NDST3: variants seen among roughly 807,000 people sequenced by gnomAD.
The protein encoded by NDST3 is N-deacetylase and N-sulfotransferase 3.
NDST3 carries 58 observed loss-of-function variants against 96.1 expected under a neutral mutation model. The observed-to-expected ratio is 0.60, with a 90% CI of 0.49 to 0.75. The LOEUF (loss-of-function observed/expected upper bound fraction) is 0.75, where lower values mean the gene tolerates loss of function less well. NDST3 is among the 30% of genes least tolerant of loss of function. The pLI, the probability that NDST3 is intolerant of heterozygous loss-of-function variation, is 0.00. For missense variants in NDST3, 788 were observed against 1,034.2 expected, an observed-to-expected ratio of 0.76 and a Z score of 3.27; for synonymous variants, 333 against 359.7, an observed-to-expected ratio of 0.93 and a Z score of 0.84.
intron 6 of NDST3, among the ~76,000 whole-genome samples, chr4:118,189,810 A>C (rs1737187079): frequency 6.6e-6 from 1 of 152,168 alleles, no homozygotes; most frequent in South Asian, 2.1e-4. Flanking sequence ...CAAAAGAGAA[A>C]ACCAAATTTT....
chr4:118,185,188 T>A (rs947161066), intron 6 of NDST3, among the ~76,000 whole-genome samples: 1 of 152,242 alleles, frequency 6.6e-6, no homozygotes, highest in South Asian at 2.1e-4. Flanking sequence ...ATATTGAATT[T>A]CAAAGAAATA....
At position 118,256,582 on chromosome 4, in the gene NDST3, C is replaced by G. The variant is rs188787443; in HGVS notation, c.*870C>G. On this transcript the variant is annotated 3_prime_UTR_variant, in exon 14 of 14. Coordinates refer to ENST00000296499, the MANE Select transcript of NDST3 (RefSeq NM_004784.3). ...CACTTGCTGTAAGCTGTGAATCTATCCCAGTAGTCCTCACTAGTTCTACAG... is the reference window on the plus strand; with the variant it reads ...CACTTGCTGTAAGCTGTGAATCTATGCCAGTAGTCCTCACTAGTTCTACAG... 26 of 152,290 alleles carry G rather than the reference C, an allele frequency of 1.7e-4. No individual in the cohort carries two copies. The East Asian group carries it at 5.0e-3, about 29-fold the overall frequency. 9.4% of individuals were successfully genotyped at this position (152,290 alleles called of 1,614,324 possible).
At chr4:118,122,383 CAGA>C (rs1266535881) in intron 4 of NDST3, among the ~76,000 whole-genome samples, 1 of 152,174 alleles carries the variant, frequency 6.6e-6, no homozygotes, top group East Asian at 1.9e-4. Flanking sequence ...GAAGTGATGG[CAGA>C]AGAAGTAAGA....
At chr4:118,122,020 T>C (rs959111731) in intron 4 of NDST3, among the ~76,000 whole-genome samples, 11 of 152,198 alleles carry the variant, frequency 7.2e-5, no homozygotes, top group African/African-American at 2.7e-4. Flanking sequence ...TCAATTCCTT[T>C]CCCTTTTTCC....
intron 3 of NDST3, among the ~76,000 whole-genome samples, chr4:118,113,144 G>A (rs887632060): frequency 6.6e-6 from 1 of 152,088 alleles, no homozygotes; most frequent in Non-Finnish European, 1.5e-5. Context: ...AATAGGTACT[G>A]CTGTCCATCT....
intron 2 of NDST3, among the ~76,000 whole-genome samples, chr4:118,096,591 T>C (rs972521117): frequency 6.6e-6 from 1 of 151,846 alleles, no homozygotes; most frequent in Non-Finnish European, 1.5e-5. Context: ...GATAGACGGA[T>C]AGACAGATAA....
At chr4:118,211,564 C>T (rs1387181840) in intron 6 of NDST3, among the ~76,000 whole-genome samples, 1 of 152,094 alleles carries the variant, frequency 6.6e-6, no homozygotes, top group East Asian at 1.9e-4. Flanking sequence ...TGGGAGCCTA[C>T]TATTGTTAAA....
intron 2 of NDST3, among the ~76,000 whole-genome samples, chr4:118,079,292 C>T (rs1727823414): frequency 1.3e-5 from 2 of 152,092 alleles, no homozygotes; most frequent in South Asian, 2.1e-4. Flanking sequence ...GAAAATGAAA[C>T]AGGGTCAGTG....
chr4:118,228,096 T>A lies in NDST3; in HGVS notation c.1819+1114T>A, dbSNP rs572942852. 9.8e-5 allele frequency among the ~76,000 whole-genome samples: 15 copies of A among 152,302 alleles called. 1 individual carries two copies. In the South Asian group the frequency reaches 3.1e-3, roughly 32 times the overall value. ...AGAATACATTCCCTCTCCTCATTGATCCAGAAATAACTGAGGAAAATTCTG... is the reference window on the plus strand; with the variant it reads ...AGAATACATTCCCTCTCCTCATTGAACCAGAAATAACTGAGGAAAATTCTG... On this transcript the variant is annotated intron_variant, in intron 8 of 13. Coordinates refer to ENST00000296499, the MANE Select transcript of NDST3 (RefSeq NM_004784.3).
intron 6 of NDST3, among the ~76,000 whole-genome samples, chr4:118,181,171 G>A (rs1250700488): frequency 6.6e-6 from 1 of 152,114 alleles, no homozygotes; most frequent in African/African-American, 2.4e-5. Context: ...GTTCCTCAAA[G>A]GGTATCAGAG....
chr4:118,050,253 T>C (rs947188051), intron 1 of NDST3, among the ~76,000 whole-genome samples: 1 of 152,092 alleles, frequency 6.6e-6, no homozygotes, highest in Non-Finnish European at 1.5e-5. Context: ...GAGACATCTA[T>C]GACAAACTCA....
At chr4:118,186,368 G>C (rs1393343774) in intron 6 of NDST3, among the ~76,000 whole-genome samples, 1 of 152,190 alleles carries the variant, frequency 6.6e-6, no homozygotes, top group African/African-American at 2.4e-5. Context: ...AAAAAGGGAA[G>C]TTTATTAAGC....
upstream of NDST3, among the ~76,000 whole-genome samples, chr4:118,033,371 A>T (rs968735847): frequency 1.3e-5 from 2 of 152,056 alleles, no homozygotes; most frequent in Non-Finnish European, 2.9e-5. Context: ...CTGGCCGCAC[A>T]AGACGTTTCA....
At chr4:118,254,160 G>A (rs1352143142) in intron 13 of NDST3, among the ~76,000 whole-genome samples, 9 of 151,300 alleles carry the variant, frequency 5.9e-5, no homozygotes, top group Non-Finnish European at 8.8e-5. Flanking sequence ...CAGGAGGATC[G>A]CTTGAACCTG....
rs571330518 is a variant in NDST3 at position 118,232,639 on chromosome 4, AAAAG to A, written c.1820-363_1820-360del. On this transcript the variant is annotated intron_variant, in intron 8 of 13. Transcript: ENST00000296499. ...GGCAATATAGTAAGATGCTGAAAAA[AAAAG>A]AAAGAAAGAGAGAGAAAGAAGGAAA... 7.6e-3 allele frequency among the ~76,000 whole-genome samples: 1,161 copies of A among 151,924 alleles called. 5 individuals carry two copies. Among genetic ancestry groups the A allele is most frequent in the Non-Finnish European group, 0.013 (876 of 67,974 alleles).
intron 6 of NDST3, among the ~76,000 whole-genome samples, chr4:118,166,172 C>T (rs1034507520): frequency 6.7e-6 from 1 of 150,226 alleles, no homozygotes; most frequent in Non-Finnish European, 1.5e-5. Flanking sequence ...TAGTTACTAA[C>T]AAAAAAGGAA....
intron 11 of NDST3, among the ~76,000 whole-genome samples, chr4:118,241,223 C>G (rs1407604992): frequency 6.6e-6 from 1 of 152,092 alleles, no homozygotes. Flanking sequence ...AGTATGACAG[C>G]CACTACCACA....
At chr4:118,161,180 C>A (rs939458247) in intron 6 of NDST3, among the ~76,000 whole-genome samples, 4 of 152,208 alleles carry the variant, frequency 2.6e-5, no homozygotes, top group Admixed American at 2.6e-4. Context: ...AGCTGCAGAA[C>A]AGCAGATTTT....
Position 118,131,273 on chromosome 4 carries a change from GGTT to G in NDST3, c.1225-6780_1225-6778del, listed in dbSNP as rs1341539597. Among the ~76,000 whole-genome samples the G allele has an allele frequency of 8.0e-4, 121 of 151,704 alleles. 3 individuals are homozygous for G. The East Asian group carries it at 0.019, about 24-fold the overall frequency. The stretch of plus-strand genomic sequence containing the variant: ...ATGTTGTTTTGGTTTGGTTTGGTTT[GGTT>G]TGGTTTGGTTTTCTTTTGTCTCTTA... On this transcript the variant is annotated intron_variant, in intron 4 of 13. Transcript: ENST00000296499.
Sources: gnomAD v4.1 joint callset for allele counts (sites outside exome capture counted in the v4.1 genomes callset) on GRCh38, gnomAD v4.1.1 for gene constraint, MANE v1.5 for transcripts, NCBI Gene and HGNC (gene_info 2026-07-23, HGNC 2026-07-21) for gene names.